Variants in TNFRSF10D observed in about 807,000 individuals in gnomAD.
The protein encoded by TNFRSF10D is TNF receptor superfamily member 10d.
Under a neutral mutation model 42.1 loss-of-function variants are expected in TNFRSF10D, and 28 were observed. The ratio of observed to expected loss-of-function variants is 0.66; its 90% CI spans 0.49 to 0.91. The LOEUF is 0.91. TNFRSF10D is among the 40% of genes least tolerant of loss of function. The probability of loss-of-function intolerance (pLI) is 0.00; values close to 1 mark genes in which losing one functional copy is unlikely to be tolerated. For missense variants in TNFRSF10D, 503 were observed against 486.1 expected (o/e 1.03, Z -0.33); for synonymous variants, 186 against 189.4 (o/e 0.98, Z 0.15).
chr8:23,158,424 T>G (rs1285871163), intron 1 of TNFRSF10D, among the ~76,000 whole-genome samples: 1 of 152,222 alleles, frequency 6.6e-6, no homozygotes, highest in Non-Finnish European at 1.5e-5. Context: ...TCCATCTATT[T>G]GCTTTCCACA....
At chr8:23,147,098 G>A (rs1165687544) in intron 3 of TNFRSF10D, 26 bp from the exon 4 acceptor site, 1 of 1,596,348 alleles carries the variant, frequency 6.3e-7, no homozygotes, top group Non-Finnish European at 8.6e-7. Flanking sequence ...AAGGTTTTGA[G>A]AATGTGTTTC....
intron 1 of TNFRSF10D, among the ~76,000 whole-genome samples, chr8:23,160,640 C>T (rs1037953171): frequency 3.3e-5 from 5 of 152,180 alleles, no homozygotes; most frequent in African/African-American, 7.2e-5. Flanking sequence ...ATACCAGCTG[C>T]CCAACAGCAC....
chr8:23,147,999 A>G (rs912019882), intron 3 of TNFRSF10D, among the ~76,000 whole-genome samples: 1 of 145,120 alleles, frequency 6.9e-6, no homozygotes, highest in Admixed American at 7.2e-5. Context: ...CAGGAGGCGG[A>G]GCTTGCAGTG....
In TNFRSF10D at chr8:23,145,808, A is replaced by G. The variant is rs34866525; in HGVS notation, c.596T>C (p.Val199Ala). 3,614 of 1,614,224 alleles carry G rather than the reference A, an allele frequency of 2.2e-3. 2 individuals carry two copies. Among genetic ancestry groups the G allele is most frequent in the Non-Finnish European group, 2.7e-3 (3,184 of 1,180,038 alleles). Reference sequence around the variant, plus strand: ...GGCAAGCATCCCCAGGATGGTGGTCACTGTCTCCTCCGCTGCTGGGGTTTT... The same window carrying G: ...GGCAAGCATCCCCAGGATGGTGGTCGCTGTCTCCTCCGCTGCTGGGGTTTT... Reference protein sequence around the residue: ...TGKTPAAEETVTTILGMLASP... With the variant: ...TGKTPAAEETATTILGMLASP... The change falls in exon 5 of 9, where the codon GTG (valine) becomes GCG (alanine). Residue 199 changes from valine (V) to alanine (A), a missense_variant. Val to Ala is a moderately conservative substitution (Grantham distance 64). Transcript: ENST00000312584.
intron 1 of TNFRSF10D, among the ~76,000 whole-genome samples, chr8:23,157,807 T>C (rs1800302115): frequency 6.6e-6 from 1 of 152,238 alleles, no homozygotes; most frequent in Admixed American, 6.5e-5. Context: ...ATTGTTACAG[T>C]AGGCAGCTAG....
At chr8:23,143,346 C>T (rs904647675) in intron 7 of TNFRSF10D, among the ~76,000 whole-genome samples, 3 of 144,974 alleles carry the variant, frequency 2.1e-5, no homozygotes, top group South Asian at 2.5e-4. Context: ...ATGTGCAGCG[C>T]GGCCAGGTGC....
intron 6 of TNFRSF10D, 98 bp from the exon 7 acceptor site, chr8:23,144,733 G>A (rs991380786): frequency 2.8e-6 from 4 of 1,432,046 alleles, no homozygotes; most frequent in Non-Finnish European, 3.8e-6. Context: ...CCCTTCCAAT[G>A]AGGTCACCCC....
chr8:23,137,734 A>T lies in TNFRSF10D; in HGVS notation c.*136T>A, dbSNP rs143729654. The T allele has an allele frequency of 1.8e-3, 2,158 of 1,203,000 alleles. No individual in the cohort carries two copies. The African/African-American group carries it at 0.02, about 11-fold the overall frequency. The allele number at this position is 1,203,000 out of a possible 1,614,324, so 74.5% of individuals were successfully genotyped here. On this transcript the variant is annotated 3_prime_UTR_variant, in exon 9 of 9. Coordinates refer to ENST00000312584, the MANE Select transcript of TNFRSF10D (RefSeq NM_003840.5). ...AGTGCGTTAACAAAGTTCTAGGACC[A>T]TTGGTAAGCTGCCCCATATTGGATA... is the stretch of plus-strand genomic sequence containing the variant.
intron 1 of TNFRSF10D, among the ~76,000 whole-genome samples, chr8:23,156,352 C>T (rs1208209821): frequency 6.6e-6 from 1 of 151,544 alleles, no homozygotes; most frequent in Non-Finnish European, 1.5e-5. Flanking sequence ...GGGCTCTGTT[C>T]AACTACCTGG....
intron 7 of TNFRSF10D, among the ~76,000 whole-genome samples, chr8:23,142,062 G>T (rs568097020): frequency 1.3e-4 from 20 of 152,202 alleles, no homozygotes; most frequent in African/African-American, 4.3e-4. Context: ...ACGAGGTCAG[G>T]AATTCAAGAC....
intron 1 of TNFRSF10D, among the ~76,000 whole-genome samples, chr8:23,160,407 T>C (rs1305476958): frequency 6.6e-6 from 1 of 152,130 alleles, no homozygotes; most frequent in African/African-American, 2.4e-5. Context: ...AGAGGCCAAG[T>C]GCAGGACAGA....
intron 2 of TNFRSF10D, among the ~76,000 whole-genome samples, chr8:23,150,724 C>T (rs888954972): frequency 6.6e-6 from 1 of 151,960 alleles, no homozygotes; most frequent in African/African-American, 2.4e-5. Flanking sequence ...AAGAAGAAAG[C>T]AGAAATTCTA....
chr8:23,160,091 A>C (rs6557619), intron 1 of TNFRSF10D, among the ~76,000 whole-genome samples: 150,539 of 152,244 alleles, frequency 0.99, 74,451 homozygotes, highest in Middle Eastern at 1. Context: ...GTGGTGAGAT[A>C]TCAGGCCTCC....
Position 23,154,982 on chromosome 8 carries a change from G to A in TNFRSF10D, c.151-3C>T. On this transcript the variant is annotated splice_region_variant and splice_polypyrimidine_tract_variant and intron_variant, in intron 1 of 8. Coordinates refer to ENST00000312584, the MANE Select transcript of TNFRSF10D (RefSeq NM_003840.5). ...ATGGTGGCAGAGTCAACCCGGACCT[G>A]TGGGGACAAGGCAGAGATGGGCTTG... The A allele has an allele frequency of 6.2e-7, 1 of 1,607,466 alleles. No individual in the cohort carries two copies. Among genetic ancestry groups the A allele is most frequent in the Admixed American group, 1.7e-5 (1 of 59,222 alleles).
At chr8:23,153,270 C>G (rs1380180189) in intron 2 of TNFRSF10D, among the ~76,000 whole-genome samples, 557 of 151,502 alleles carry the variant, frequency 3.7e-3, no homozygotes, top group African/African-American at 0.012. Context: ...AAAACTACTA[C>G]AAGAAAACAT....
chr8:23,137,962 G>A lies in TNFRSF10D; in HGVS notation c.1069C>T (p.His357Tyr), dbSNP rs922489438. ...TGGTCCTGAATTGTTTCCTTTGCATGTCCTTCTTCCAGTGTTGCCGAGGCA... is the reference window on the plus strand; with the variant it reads ...TGGTCCTGAATTGTTTCCTTTGCATATCCTTCTTCCAGTGTTGCCGAGGCA... ...LDASATLEEG[H>Y]AKETIQDQLV... Residue 357 changes from histidine (H) to tyrosine (Y), a missense_variant, in exon 9 of 9, where the codon CAT (histidine) becomes TAT (tyrosine). Transcript: ENST00000312584. 3 of 1,614,094 alleles carry A rather than the reference G, an allele frequency of 1.9e-6. No individual in the cohort carries two copies. The highest frequency in any genetic ancestry group is 1.3e-5 in the African/African-American group (1 of 74,930).
In TNFRSF10D at chr8:23,163,922, C is replaced by T; in HGVS notation, c.14G>A (p.Gly5Glu). 16 of 1,575,916 alleles carry T rather than the reference C, an allele frequency of 1.0e-5. No homozygotes were observed. The highest frequency in any genetic ancestry group is 1.3e-5 in the Non-Finnish European group (15 of 1,165,808). Residue 5 changes from glycine to glutamate, a missense_variant, in exon 1 of 9, where the codon GGA becomes GAA. Gly to Glu is a moderately conservative substitution (Grantham distance 98, BLOSUM62 -2). Transcript: ENST00000312584. Reference sequence around the variant, plus strand: ...GCTCGAGGCGGTCGGGACGCTTTGTCCCCAAAGTCCCATGAGAAGGGAGGA... The same window carrying T: ...GCTCGAGGCGGTCGGGACGCTTTGTTCCCAAAGTCCCATGAGAAGGGAGGA... MGLW[G>E]QSVPTASSAR... is the part of the protein sequence containing the mutation.
intron 4 of TNFRSF10D, 107 bp from the exon 5 acceptor site, chr8:23,146,028 A>G (rs866583865): frequency 1.3e-6 from 2 of 1,496,442 alleles, no homozygotes; most frequent in African/African-American, 2.8e-5. Flanking sequence ...AGGCGTCAGG[A>G]GGACAGGCTC....
At chr8:23,146,798 A>C (rs994706938) in intron 4 of TNFRSF10D, among the ~76,000 whole-genome samples, 163 bp downstream of exon 4, 6 of 152,118 alleles carry the variant, frequency 3.9e-5, no homozygotes, top group African/African-American at 1.4e-4. Context: ...GGGGACAGGC[A>C]GATGGACCAG....
Sources: gnomAD v4.1 joint callset for allele counts (sites outside exome capture counted in the v4.1 genomes callset) on GRCh38, gnomAD v4.1.1 for gene constraint, MANE v1.5 for transcripts, NCBI Gene and HGNC (gene_info 2026-07-23, HGNC 2026-07-21) for gene names.